The following TMCC2 variants were observed in gnomAD, a reference collection of about 807,000 sequenced individuals.
TMCC2 encodes the protein transmembrane and coiled-coil domain family 2, also known as transmembrane and coiled-coil domains protein 2.
TMCC2 carries 16 observed loss-of-function variants against 49.4 expected under a neutral mutation model. The observed-to-expected ratio is 0.32, with a 90% confidence interval of 0.22 to 0.49. The LOEUF (loss-of-function observed/expected upper bound fraction) is 0.49, where lower values mean the gene tolerates loss of function less well. TMCC2 is among the 20% of genes least tolerant of loss of function. The pLI, the probability that TMCC2 is intolerant of heterozygous loss-of-function variation, is 0.99. For synonymous variants in TMCC2, 397 were observed against 434.1 expected, an observed-to-expected ratio of 0.91 and a Z score of 1.06; for missense variants, 762 against 989.8, an observed-to-expected ratio of 0.77 and a Z score of 3.09.
chr1:205,268,759 G>C, intron 2 of TMCC2, 191 bp from the exon 3 acceptor site: 1 of 615,164 alleles, frequency 1.6e-6, no homozygotes. Context: ...GGATGCTGTG[G>C]GGACGGGGTA....
intron 1 of TMCC2, chr1:205,229,468 G>A (rs1574820829): frequency 3.5e-6 from 1 of 286,634 alleles, no homozygotes; most frequent in Non-Finnish European, 5.1e-6. Flanking sequence ...TTACAGGCGT[G>A]AGCCACCGTG....
At position 205,241,547 on chromosome 1, in the gene TMCC2, C is replaced by T. The variant is rs780346014; in HGVS notation, c.250C>T (p.Leu84=). The T allele has an allele frequency of 9.9e-6, 16 of 1,613,724 alleles. No homozygotes were observed. The highest frequency in any genetic ancestry group is 1.6e-4 in the Middle Eastern group (1 of 6,084). ...LSEGSMFGHG[L]KHLFHSRRRS... ...AGAGGGCTCCATGTTTGGCCACGGTCTGAAGCACCTGTTCCACAGCCGCCG... is the reference window on the plus strand; with the variant it reads ...AGAGGGCTCCATGTTTGGCCACGGTTTGAAGCACCTGTTCCACAGCCGCCG... The change falls in exon 2 of 5, where the codon CTG becomes TTG. Residue 84 remains leucine (L), a synonymous_variant. Coordinates refer to ENST00000358024, the MANE Select transcript of TMCC2 (RefSeq NM_014858.4). The surrounding 1 kb of genome is among the most constrained non-coding windows in gnomAD (Gnocchi z 7.3).
rs537642674 is a variant in TMCC2, at chr1:205,267,536, C to T, written c.748-1414C>T. 1.1e-3 allele frequency among the ~76,000 whole-genome samples: 163 copies of T among 152,198 alleles called. 1 individual carries two copies. The highest frequency in any genetic ancestry group is 3.8e-3 in the African/African-American group (158 of 41,516). The stretch of plus-strand genomic sequence containing the variant: ...GGGTTGAGCCATTTCCTGCTGCTTC[C>T]GTTGTTGTATGGCGATAAGACACTG... On this transcript the variant is annotated intron_variant, in intron 2 of 4. Coordinates refer to ENST00000358024, the MANE Select transcript of TMCC2 (RefSeq NM_014858.4).
chr1:205,252,743 G>C (rs989965098), intron 2 of TMCC2, among the ~76,000 whole-genome samples: 1 of 151,736 alleles, frequency 6.6e-6, no homozygotes, highest in East Asian at 1.9e-4. Flanking sequence ...ACTTTTTAGC[G>C]TGGTTCTTTG....
intron 2 of TMCC2, chr1:205,246,367 T>C: frequency 1.7e-6 from 1 of 591,130 alleles, no homozygotes; most frequent in South Asian, 3.5e-5. Context: ...GAAGTGGCTA[T>C]TAAACATCCA....
chr1:205,241,916 C>T lies in TMCC2; in HGVS notation c.619C>T (p.Leu207=), dbSNP rs1660284417. The change falls in exon 2 of 5, where the codon CTG becomes TTG. Residue 207 remains leucine, a synonymous_variant. Coordinates refer to ENST00000358024, the MANE Select transcript of TMCC2 (RefSeq NM_014858.4). This position sits in a 1 kb window ranked among gnomAD's most constrained non-coding sequence, Gnocchi z 7.3. ...LLRKAPQDSS[L]AAILHQHQCR... ...GCGCAAGGCCCCCCAGGACAGCAGC[C>T]TGGCCGCCATCCTGCACCAGCACCA... 2 of 1,610,418 alleles carry T rather than the reference C, an allele frequency of 1.2e-6. No homozygotes were observed. The highest frequency in any genetic ancestry group is 2.2e-5 in the South Asian group (2 of 90,748).
chr1:205,230,163 A>G (rs1367021083), intron 1 of TMCC2: 2 of 985,400 alleles, frequency 2.0e-6, no homozygotes, highest in Non-Finnish European at 2.4e-6. Context: ...AGGAAGTCAG[A>G]GCGCAGGTGA....
intron 1 of TMCC2, among the ~76,000 whole-genome samples, chr1:205,234,781 T>TC (rs1659967717): frequency 6.6e-6 from 1 of 151,900 alleles, no homozygotes; most frequent in African/African-American, 2.4e-5. Context: ...TGTCTCAACC[T>TC]CCCGAGTAGC....
intron 1 of TMCC2, among the ~76,000 whole-genome samples, chr1:205,237,829 C>T (rs1660114683): frequency 6.6e-6 from 1 of 152,190 alleles, no homozygotes; most frequent in Non-Finnish European, 1.5e-5. Context: ...TGGGGCTCTT[C>T]CTGCCCTTTC....
intron 1 of TMCC2, among the ~76,000 whole-genome samples, chr1:205,239,196 G>T (rs921607194): frequency 6.6e-6 from 1 of 152,182 alleles, no homozygotes; most frequent in African/African-American, 2.4e-5. Flanking sequence ...GGAATAGAAC[G>T]CTAGAAAGAC....
Position 205,269,486 on chromosome 1 carries a change from T to G in TMCC2, c.1284T>G (p.Phe428Leu). 6.2e-7 allele frequency: 1 copy of G among 1,608,266 alleles called. No individual in the cohort carries two copies. The stretch of plus-strand genomic sequence containing the variant: ...CCGTGGTGTCCAAGCCCCGGGAGTT[T>G]GCCAGCCTCATCCGCAACAAGTTTG... ...HTAVVSKPRE[F>L]ASLIRNKFGS... Residue 428 changes from phenylalanine (F) to leucine (L), a missense_variant, in exon 3 of 5, where the codon TTT becomes TTG. Physicochemically the swap from Phe to Leu is conservative, Grantham distance 22. Transcript: ENST00000358024.
chr1:205,234,298 T>C (rs928916079), intron 1 of TMCC2, among the ~76,000 whole-genome samples: 2 of 151,876 alleles, frequency 1.3e-5, no homozygotes, highest in East Asian at 3.9e-4. Flanking sequence ...ACAGAAAAAT[T>C]AGCCAGGCAT....
chr1:205,232,074 G>A lies in TMCC2; in HGVS notation c.207+3303G>A, dbSNP rs182890189. Among the ~76,000 whole-genome samples, 12 of 152,250 alleles carry A rather than the reference G, an allele frequency of 7.9e-5. No individual in the cohort carries two copies. The East Asian group carries it at 2.3e-3, about 29-fold the overall frequency. ...GTTTAGTGACAGTTAGTGGTTTCATGGGCTCCTATGGTCTCCCTCTGTTCC... is the reference window on the plus strand; with the variant it reads ...GTTTAGTGACAGTTAGTGGTTTCATAGGCTCCTATGGTCTCCCTCTGTTCC... On this transcript the variant is annotated intron_variant, in intron 1 of 4. Transcript: ENST00000358024.
At chr1:205,262,010 T>C (rs1661137117) in intron 2 of TMCC2, among the ~76,000 whole-genome samples, 1 of 152,230 alleles carries the variant, frequency 6.6e-6, no homozygotes. Context: ...TTCTTTCCTT[T>C]GTTAAAGCAT....
chr1:205,267,047 A>G (rs955604602), intron 2 of TMCC2, among the ~76,000 whole-genome samples: 1 of 152,218 alleles, frequency 6.6e-6, no homozygotes, highest in Non-Finnish European at 1.5e-5. Context: ...AAGGTCAGAA[A>G]TTCTGAGAAG....
At chr1:205,268,739 T>G (rs1295300204) in intron 2 of TMCC2, among the ~76,000 whole-genome samples, 1 of 152,198 alleles carries the variant, frequency 6.6e-6, no homozygotes, top group African/African-American at 2.4e-5. Context: ...CTGCCTAGAC[T>G]GCATTTTGGG....
intron 1 of TMCC2, chr1:205,229,504 G>C (rs888461576): frequency 2.1e-6 from 1 of 484,218 alleles, no homozygotes; most frequent in African/African-American, 2.4e-5. Flanking sequence ...ATCTTTGAGC[G>C]CTTTCCTGGA....
chr1:205,264,067 A>G lies in TMCC2; in HGVS notation c.748-4883A>G, dbSNP rs758333685. On this transcript the variant is annotated intron_variant, in intron 2 of 4. Coordinates refer to ENST00000358024, the MANE Select transcript of TMCC2 (RefSeq NM_014858.4). This position sits in a 1 kb window ranked among gnomAD's most constrained non-coding sequence, Gnocchi z 4.2. ...GGTTAATACTGGGATTAAATGAATT[A>G]ATAGGTGTAAACACTGAGAGACAAG... Among the ~76,000 whole-genome samples, 1 of 152,234 alleles carries G rather than the reference A, an allele frequency of 6.6e-6. No individual in the cohort carries two copies. The highest frequency in any genetic ancestry group is 1.5e-5 in the Non-Finnish European group (1 of 68,042).
chr1:205,232,044 A>G (rs889481209), intron 1 of TMCC2, among the ~76,000 whole-genome samples: 1 of 152,102 alleles, frequency 6.6e-6, no homozygotes, highest in African/African-American at 2.4e-5. Context: ...AGAAATCTGA[A>G]TGGTGTTTAG....
Sources: allele counts gnomAD v4.1 joint callset (sites outside exome capture counted in the v4.1 genomes callset), GRCh38; gene constraint gnomAD v4.1.1; non-coding constraint Gnocchi (gnomAD v3.1); transcripts MANE v1.5; gene names NCBI Gene and HGNC (gene_info 2026-07-23, HGNC 2026-07-21).